The following GSG1L2 variants were observed in gnomAD, a reference collection of about 807,000 sequenced individuals.
GSG1L2 encodes the protein germ cell-specific gene 1-like protein 2.
In GSG1L2, 15 loss-of-function variants were observed where a neutral mutation model predicts 9.0. The ratio of observed to expected loss-of-function variants is 1.67; its 90% CI spans 1.12 to 2.57. GSG1L2 has a LOEUF of 2.57. Ranked by LOEUF, GSG1L2 falls within the 30% of genes most tolerant of loss-of-function variation. The pLI, the probability that GSG1L2 is intolerant of heterozygous loss-of-function variation, is 0.00. For missense variants in GSG1L2, 286 were observed against 150.3 expected, an observed-to-expected ratio of 1.90 and a Z score of -4.72; for synonymous variants, 127 against 57.9, an observed-to-expected ratio of 2.19 and a Z score of -5.41.
In GSG1L2 at chr17:9,822,014, T is replaced by G. The variant is rs755952336; in HGVS notation, c.58A>C (p.Thr20Pro). ...LLLLPVCLAL[T>P]FSLTAVVSSH... ...CTGACCACGGCGGTGAGGGAGAAGG[T>G]GAGGGCGAGGCAGACAGGGAGGAGG... is the stretch of plus-strand genomic sequence containing the variant. Residue 20 changes from threonine (T) to proline (P), a missense_variant, in exon 1 of 5, where the codon ACC becomes CCC. Thr to Pro is a conservative substitution (Grantham distance 38, BLOSUM62 -1). Coordinates refer to ENST00000399363, the MANE Select transcript of GSG1L2 (RefSeq NM_001310219.2). 2 of 702,914 alleles carry G rather than the reference T, an allele frequency of 2.8e-6. No individual in the cohort carries two copies. Among genetic ancestry groups the G allele is most frequent in the Admixed American group, 4.0e-5 (2 of 50,010 alleles). 43.5% of individuals were successfully genotyped at this position (702,914 alleles called of 1,614,324 possible).
intron 1 of GSG1L2, among the ~76,000 whole-genome samples, chr17:9,818,647 C>T (rs1351658151): frequency 2.0e-5 from 3 of 151,818 alleles, no homozygotes; most frequent in East Asian, 3.9e-4. Context: ...TGAGCCACCA[C>T]GCCCTTTCCA....
At chr17:9,818,080 T>C (rs1567711846) in intron 1 of GSG1L2, among the ~76,000 whole-genome samples, 1 of 152,146 alleles carries the variant, frequency 6.6e-6, no homozygotes, top group Non-Finnish European at 1.5e-5. Context: ...TCTGTGTAAC[T>C]CAGTTCTTGC....
Position 9,820,276 on chromosome 17 carries a change from C to G in GSG1L2, c.310+1486G>C, listed in dbSNP as rs2066583900. 6.6e-6 allele frequency among the ~76,000 whole-genome samples: 1 copy of G among 152,126 alleles called. No homozygotes were observed. The highest frequency in any genetic ancestry group is 6.5e-5 in the Admixed American group (1 of 15,274). ...GCTGTGGAAACAGAAGTACTATAGG[C>G]AGTCCTCATATGAGAACTTGGAAAG... On this transcript the variant is annotated intron_variant, in intron 1 of 4. Transcript: ENST00000399363. The surrounding 1 kb of genome is among the most constrained non-coding windows in gnomAD (Gnocchi z 4.9).
intron 4 of GSG1L2, among the ~76,000 whole-genome samples, chr17:9,803,571 G>A (rs1411993961): frequency 6.6e-6 from 1 of 152,220 alleles, no homozygotes; most frequent in Non-Finnish European, 1.5e-5. Context: ...ATGAGATAAA[G>A]AGAAGGGCTG....
chr17:9,810,402 C>T, intron 2 of GSG1L2, 169 bp downstream of exon 2: 1 of 603,728 alleles, frequency 1.7e-6, no homozygotes, highest in South Asian at 2.0e-5. Flanking sequence ...GCCAGCACAC[C>T]ACTGGCTATA....
At chr17:9,805,934 A>G (rs1450014372) in intron 4 of GSG1L2, among the ~76,000 whole-genome samples, 59 of 152,126 alleles carry the variant, frequency 3.9e-4, no homozygotes, top group Admixed American at 3.6e-3. Flanking sequence ...CACCATGGTA[A>G]TGGCTGCTTG....
chr17:9,808,478 C>T (rs775888537), intron 3 of GSG1L2, among the ~76,000 whole-genome samples: 1 of 152,130 alleles, frequency 6.6e-6, no homozygotes, highest in Non-Finnish European at 1.5e-5. Context: ...AGGTCATACA[C>T]CCATTAAGGA....
intron 4 of GSG1L2, 113 bp from the exon 5 acceptor site, chr17:9,802,757 A>G (rs1338271714): frequency 3.2e-6 from 2 of 621,798 alleles, no homozygotes; most frequent in African/African-American, 1.8e-5. Context: ...CGTTCTACTC[A>G]GTTTGGACCT....
At chr17:9,807,386 T>C (rs752991329) in intron 4 of GSG1L2, 104 bp downstream of exon 4, 2 of 672,550 alleles carry the variant, frequency 3.0e-6, no homozygotes, top group Non-Finnish European at 5.4e-6. Context: ...TACTGGCAGA[T>C]GCCAGCACTA....
intron 2 of GSG1L2, chr17:9,809,844 CTT>C (rs574456958): frequency 6.6e-6 from 1 of 152,276 alleles, no homozygotes; most frequent in Non-Finnish European, 1.5e-5. Flanking sequence ...AAGATATCAT[CTT>C]TGCCTTTTGC....
chr17:9,813,489 T>C (rs757882640), intron 1 of GSG1L2, among the ~76,000 whole-genome samples: 4 of 152,366 alleles, frequency 2.6e-5, no homozygotes, highest in Non-Finnish European at 4.4e-5. Context: ...CTCTGCAGCA[T>C]TTCAATTAAG....
rs2066591663 is a variant in GSG1L2 at position 9,821,921 on chromosome 17, G to T, written c.151C>A (p.His51Asn). The T allele has an allele frequency of 2.8e-6, 2 of 703,176 alleles. No individual in the cohort carries two copies. The highest frequency in any genetic ancestry group is 2.0e-5 in the Admixed American group (1 of 50,008). The allele number at this position is 703,176 out of a possible 1,614,324, so 43.6% of individuals were successfully genotyped here. A position where few individuals can be genotyped will look rare whatever the true frequency, so the allele number is the denominator to read the frequency against. ...PLCQDQPGGQ[H>N]CIHFKRDNSS... ...TTGTCCCGTTTGAAGTGAATGCAGTGCTGCCCTCCCGGCTGGTCCTGGCAC... is the reference window on the plus strand; with the variant it reads ...TTGTCCCGTTTGAAGTGAATGCAGTTCTGCCCTCCCGGCTGGTCCTGGCAC... Residue 51 changes from histidine (H) to asparagine (N), a missense_variant, in exon 1 of 5, where the codon CAC becomes AAC. Coordinates refer to ENST00000399363, the MANE Select transcript of GSG1L2 (RefSeq NM_001310219.2).
chr17:9,802,907 T>C (rs2066502674), intron 4 of GSG1L2, among the ~76,000 whole-genome samples: 1 of 152,096 alleles, frequency 6.6e-6, no homozygotes, highest in African/African-American at 2.4e-5. Flanking sequence ...AGCTGGTTGC[T>C]TTACCTCTTT....
At position 9,807,619 on chromosome 17, in the gene GSG1L2, T is replaced by C. The variant is rs1396548272; in HGVS notation, c.512-18A>G. On this transcript the variant is annotated intron_variant, in intron 3 of 4. Transcript: ENST00000399363. ...TAGAAGCCCTGCGCAAGGAAAGCTC[T>C]GTGAGTCACAGCTAAGAAGACACAT... 6 of 703,252 alleles carry C rather than the reference T, an allele frequency of 8.5e-6. No individual in the cohort carries two copies. The highest frequency in any genetic ancestry group is 4.0e-5 in the Admixed American group (2 of 50,006). The allele number at this position is 703,252 out of a possible 1,614,324, so 43.6% of individuals were successfully genotyped here.
intron 1 of GSG1L2, among the ~76,000 whole-genome samples, chr17:9,819,848 G>A (rs1045280609): frequency 6.6e-6 from 1 of 151,956 alleles, no homozygotes; most frequent in African/African-American, 2.4e-5. Context: ...CCTGACCTCA[G>A]GTGATCTGCC....
At position 9,808,860 on chromosome 17, in the gene GSG1L2, C is replaced by G. The variant is rs534302891; in HGVS notation, c.481G>C (p.Ala161Pro). 71 of 702,968 alleles carry G rather than the reference C, an allele frequency of 1.0e-4. No individual in the cohort carries two copies. The East Asian group carries it at 1.5e-3, about 15-fold the overall frequency. The allele number at this position is 702,968 out of a possible 1,614,324, so 43.5% of individuals were successfully genotyped here. The change falls in exon 3 of 5, where the codon GCC (alanine) becomes CCC (proline). Residue 161 changes from alanine to proline, a missense_variant. Transcript: ENST00000399363. ...SPGFHWLRVD[A>P]LVAIFMVLAG... is the part of the protein sequence containing the mutation. ...AGCACCATGAAGATGGCTACCAAGG[C>G]ATCCACCCTGAGCCAGTGGAACCCA... is the stretch of plus-strand genomic sequence containing the variant.
intron 1 of GSG1L2, among the ~76,000 whole-genome samples, chr17:9,816,781 CTG>C (rs1286977419): frequency 1.1e-4 from 4 of 37,042 alleles, no homozygotes; most frequent in Admixed American, 9.2e-4. Context: ...GCGTGTGTGT[CTG>C]TGTGTGCGTA....
intron 4 of GSG1L2, among the ~76,000 whole-genome samples, chr17:9,806,609 G>A (rs765782115): frequency 1.6e-4 from 24 of 152,188 alleles, no homozygotes; most frequent in Non-Finnish European, 2.9e-4. Context: ...AGCAAAAGGA[G>A]GGCAGTACAA....
intron 1 of GSG1L2, among the ~76,000 whole-genome samples, chr17:9,813,354 G>A (rs767927018): frequency 9.2e-5 from 14 of 152,114 alleles, no homozygotes; most frequent in Non-Finnish European, 1.3e-4. Flanking sequence ...ACTCGAATGC[G>A]CAGCCAGGGA....
Sources: allele counts gnomAD v4.1 joint callset (sites outside exome capture counted in the v4.1 genomes callset), GRCh38; gene constraint gnomAD v4.1.1; non-coding constraint Gnocchi (gnomAD v3.1); transcripts MANE v1.5; gene names NCBI Gene and HGNC (gene_info 2026-07-23, HGNC 2026-07-21).